RGPD6: variants seen among roughly 807,000 people sequenced by gnomAD.
The protein encoded by RGPD6 is RANBP2-like and GRIP domain-containing protein 5/6.
the RGPD6 span, among the ~76,000 whole-genome samples, chr2:110,604,771 TTTC>T: frequency 2.0e-5 from 3 of 148,748 alleles, no homozygotes; most frequent in East Asian, 5.9e-4. Flanking sequence ...GAGGTTTTTT[TTTC>T]TTAATTTGCC....
chr2:110,607,388 T>G, the RGPD6 span, among the ~76,000 whole-genome samples: 1 of 149,452 alleles, frequency 6.7e-6, no homozygotes, highest in Admixed American at 6.6e-5. Context: ...AAGGTATGGC[T>G]GAAAAAGTTG....
chr2:110,605,723 G>A, the RGPD6 span, among the ~76,000 whole-genome samples: 1 of 151,334 alleles, frequency 6.6e-6, no homozygotes, highest in South Asian at 2.1e-4. Context: ...AGCATCCTTA[G>A]GGAGACTAAA....
the RGPD6 span, among the ~76,000 whole-genome samples, chr2:110,604,096 T>C: frequency 1.6e-5 from 2 of 124,708 alleles, no homozygotes; most frequent in Non-Finnish European, 3.3e-5. Flanking sequence ...GGTTAATAGA[T>C]CTACATATGT....
the RGPD6 span, among the ~76,000 whole-genome samples, chr2:110,602,159 G>A: frequency 6.7e-6 from 1 of 149,314 alleles, no homozygotes; most frequent in African/African-American, 2.5e-5. Flanking sequence ...AGCTAGGTTT[G>A]GCCACCTAAT....
chr2:110,590,737 C>T, the RGPD6 span, among the ~76,000 whole-genome samples: 2 of 152,020 alleles, frequency 1.3e-5, no homozygotes, highest in African/African-American at 4.8e-5. Flanking sequence ...TTAATCATTA[C>T]GGTTCCTGCC....
chr2:110,607,202 C>G, the RGPD6 span, among the ~76,000 whole-genome samples: 2 of 150,610 alleles, frequency 1.3e-5, no homozygotes, highest in East Asian at 3.9e-4. Flanking sequence ...CTCTGCATAT[C>G]TGCTGCCCCT....
chr2:110,593,829 TCTTA>T, the RGPD6 span, among the ~76,000 whole-genome samples: 1 of 133,046 alleles, frequency 7.5e-6, no homozygotes, highest in South Asian at 2.5e-4. Flanking sequence ...ATTTGATTAT[TCTTA>T]CTTACAGGAC....
chr2:110,591,377 G>A, the RGPD6 span, among the ~76,000 whole-genome samples: 1 of 150,512 alleles, frequency 6.6e-6, no homozygotes, highest in Non-Finnish European at 1.5e-5. Context: ...AAAATATCAC[G>A]CTTTGTCGAA....
At chr2:110,595,862 CGA>C in the RGPD6 span, among the ~76,000 whole-genome samples, 1 of 146,650 alleles carries the variant, frequency 6.8e-6, no homozygotes, top group East Asian at 2.0e-4. Flanking sequence ...TAAAAATTCA[CGA>C]GATAATAAAT....
chr2:110,594,145 A>C, the RGPD6 span, among the ~76,000 whole-genome samples: 1,713 of 147,730 alleles, frequency 0.012, 67 homozygotes, highest in Admixed American at 0.089. Context: ...AGATTAAAGT[A>C]TATTAAAGTA....
the RGPD6 span, among the ~76,000 whole-genome samples, chr2:110,609,500 TAC>T: frequency 2.2e-5 from 3 of 138,720 alleles, no homozygotes; most frequent in Non-Finnish European, 3.0e-5. Flanking sequence ...TCACAGAAAA[TAC>T]ACACAGATCC....
the RGPD6 span, among the ~76,000 whole-genome samples, chr2:110,605,146 G>T: frequency 6.6e-6 from 1 of 152,004 alleles, no homozygotes; most frequent in Non-Finnish European, 1.5e-5. Flanking sequence ...CGCCCCACAC[G>T]AGGGCTGAGC....
At chr2:110,608,261 GTTAGTT>G in the RGPD6 span, among the ~76,000 whole-genome samples, 1 of 141,910 alleles carries the variant, frequency 7.0e-6, no homozygotes, top group Non-Finnish European at 1.5e-5. Context: ...TTCAGCAAAT[GTTAGTT>G]TTAAAAAGTC....
chr2:110,600,117 G>A, the RGPD6 span, among the ~76,000 whole-genome samples: 1 of 150,190 alleles, frequency 6.7e-6, no homozygotes, highest in East Asian at 2.0e-4. Context: ...CTGGTGCTCA[G>A]GCAGAACGGA....
chr2:110,577,055 G>A lies in RGPD6; in HGVS notation c.-31C>T. 5.1e-6 allele frequency: 1 copy of A among 197,596 alleles called. No individual in the cohort carries two copies. Among genetic ancestry groups the A allele is most frequent in the Non-Finnish European group, 6.4e-6 (1 of 155,396 alleles). 12.2% of individuals were successfully genotyped at this position (197,596 alleles called of 1,614,324 possible). ...CGCCAACCTGGCTCCCGAGACGCGT[G>A]CGAGCACCGCTCAGCCCCGCAGCAG... On this transcript the variant is annotated 5_prime_UTR_variant, in exon 1 of 23. Transcript: ENST00000329516.
chr2:110,608,385 TA>T, the RGPD6 span, among the ~76,000 whole-genome samples: 1 of 151,012 alleles, frequency 6.6e-6, no homozygotes, highest in Non-Finnish European at 1.5e-5. Context: ...TTTCCAGGAT[TA>T]AGAGATTCAA....
At chr2:110,605,606 A>G in the RGPD6 span, among the ~76,000 whole-genome samples, 3 of 151,632 alleles carry the variant, frequency 2.0e-5, no homozygotes, top group Admixed American at 6.6e-5. Context: ...TTCTGGCACT[A>G]TGAAGTAAAG....
the RGPD6 span, among the ~76,000 whole-genome samples, chr2:110,600,125 G>A: frequency 5.1e-4 from 76 of 148,840 alleles, no homozygotes; most frequent in Middle Eastern, 3.5e-3. Context: ...CAGGCAGAAC[G>A]GACTTTATCC....
the RGPD6 span, among the ~76,000 whole-genome samples, chr2:110,592,958 GAA>G: frequency 4.1e-5 from 6 of 147,064 alleles, 1 homozygote; most frequent in African/African-American, 1.1e-4. Context: ...TTCTACTGTT[GAA>G]AAAAGATGTT....
Sources: allele counts gnomAD v4.1 joint callset (sites outside exome capture counted in the v4.1 genomes callset), GRCh38; gene constraint gnomAD v4.1.1; transcripts MANE v1.5; gene names NCBI Gene and HGNC (gene_info 2026-07-23, HGNC 2026-07-21).